The following NFE2 variants were observed in gnomAD, a reference collection of about 807,000 sequenced individuals.
NFE2 encodes the protein transcription factor NF-E2 45 kDa subunit.
NFE2 carries 13 observed loss-of-function variants against 25.8 expected under a neutral mutation model. The ratio of observed to expected loss-of-function variants is 0.50; its 90% CI spans 0.33 to 0.80. NFE2 has a LOEUF of 0.80. Ranked by LOEUF, NFE2 falls within the 30% of genes least tolerant of loss-of-function variation. NFE2 has a pLI of 0.02. For missense variants in NFE2, 382 were observed against 478.9 expected, an observed-to-expected ratio of 0.80 and a Z score of 1.89; for synonymous variants, 204 against 200.2, an observed-to-expected ratio of 1.02 and a Z score of -0.16.
At chr12:54,296,603 A>G (rs1944374908) in intron 1 of NFE2, among the ~76,000 whole-genome samples, 3 of 152,068 alleles carry the variant, frequency 2.0e-5, no homozygotes, top group East Asian at 1.9e-4. Context: ...GTCTACATTC[A>G]TCAGTTCTTT....
chr12:54,293,517 A>G, intron 2 of NFE2, 136 bp from the exon 3 acceptor site: 3 of 1,008,346 alleles, frequency 3.0e-6, no homozygotes, highest in Non-Finnish European at 2.7e-6. Flanking sequence ...AAATCACGGG[A>G]AGCTTCCTGC....
intron 1 of NFE2, among the ~76,000 whole-genome samples, chr12:54,297,406 G>A (rs1944382943): frequency 7.0e-6 from 1 of 143,422 alleles, no homozygotes; most frequent in Admixed American, 7.1e-5. Context: ...GCTCACACCT[G>A]TAATCCTAGG....
chr12:54,295,034 T>C, intron 2 of NFE2, 101 bp downstream of exon 2: 1 of 900,342 alleles, frequency 1.1e-6, no homozygotes, highest in South Asian at 1.5e-5. Context: ...TTACCAGCCC[T>C]GAGCCCTGCT....
intron 1 of NFE2, among the ~76,000 whole-genome samples, chr12:54,299,739 A>T (rs1010555698): frequency 6.6e-5 from 10 of 152,066 alleles, no homozygotes; most frequent in Admixed American, 2.0e-4. Context: ...AACTTCCTTA[A>T]CGAGGGGGAA....
intron 1 of NFE2, among the ~76,000 whole-genome samples, chr12:54,296,310 T>C (rs1944371789): frequency 6.7e-6 from 1 of 148,458 alleles, no homozygotes; most frequent in East Asian, 2.0e-4. Context: ...CTCGGGAAGC[T>C]GAGGCAGGAG....
At position 54,292,299 on chromosome 12, in the gene NFE2, C is replaced by T; in HGVS notation, c.*75G>A. On this transcript the variant is annotated 3_prime_UTR_variant, in exon 3 of 3. Coordinates refer to ENST00000435572, the MANE Select transcript of NFE2 (RefSeq NM_001136023.3). ...CTAGAGAACTCAGCTCCTTCTGGGA[C>T]TCAGGGTTGGGGAGTACCTTTATCA... 1.3e-6 allele frequency: 2 copies of T among 1,493,948 alleles called. No homozygotes were observed. The highest frequency in any genetic ancestry group is 1.8e-6 in the Non-Finnish European group (2 of 1,096,904). The allele number at this position is 1,493,948 out of a possible 1,614,324, so 92.5% of individuals were successfully genotyped here.
intron 1 of NFE2, among the ~76,000 whole-genome samples, chr12:54,299,484 G>A (rs1450443630): frequency 1.3e-5 from 2 of 152,190 alleles, no homozygotes; most frequent in Admixed American, 1.3e-4. Context: ...CCACTGGGTT[G>A]TCTGTTCCTT....
intron 1 of NFE2, among the ~76,000 whole-genome samples, chr12:54,299,050 CAAA>C (rs78513468): frequency 2.5e-5 from 3 of 119,900 alleles, no homozygotes; most frequent in Admixed American, 8.7e-5. Flanking sequence ...GACTCTGTCT[CAAA>C]AAAAAAAAAA....
intron 1 of NFE2, 115 bp from the exon 2 acceptor site, chr12:54,295,419 T>A: frequency 1.7e-6 from 1 of 580,334 alleles, no homozygotes; most frequent in Non-Finnish European, 3.1e-6. Flanking sequence ...GACCGCCTCC[T>A]CCCCATCCTC....
chr12:54,297,356 C>CAAAAAAAAAAAAAAAAAAAAA (rs35611028), intron 1 of NFE2, among the ~76,000 whole-genome samples: 3 of 50,012 alleles, frequency 6.0e-5, no homozygotes, highest in Admixed American at 2.5e-4. Context: ...GACCCTGTCT[C>CAAAAAAAAAAAAAAAAAAAAA]AAAAAAAAAA....
At chr12:54,296,407 C>G (rs890884627) in intron 1 of NFE2, among the ~76,000 whole-genome samples, 1 of 85,672 alleles carries the variant, frequency 1.2e-5, no homozygotes, top group Non-Finnish European at 1.9e-5. Flanking sequence ...TAGACTATGT[C>G]TCAAAAAAAA....
At position 54,292,611 on chromosome 12, in the gene NFE2, C is replaced by G. The variant is rs540951720; in HGVS notation, c.885G>C (p.Glu295Asp). 1.1e-5 allele frequency: 18 copies of G among 1,614,100 alleles called. No individual in the cohort carries two copies. The highest frequency in any genetic ancestry group is 1.5e-5 in the Non-Finnish European group (18 of 1,180,060). The change falls in exon 3 of 3, where the codon GAG becomes GAC. Residue 295 changes from glutamate to aspartate, a missense_variant. Transcript: ENST00000435572. Reference sequence around the variant, plus strand: ...CATTGGTCAGCCGCTCCAGCTCCCGCTCCAGCTGCACAATGGTTTCCAGCT... The same window carrying G: ...CATTGGTCAGCCGCTCCAGCTCCCGGTCCAGCTGCACAATGGTTTCCAGCT... ...KRKLETIVQL[E>D]RELERLTNER...
intron 1 of NFE2, 29 bp from the exon 2 acceptor site, chr12:54,295,333 C>G: frequency 9.3e-7 from 1 of 1,071,760 alleles, no homozygotes; most frequent in Non-Finnish European, 1.4e-6. Flanking sequence ...GGTGTTAGAG[C>G]TACACCTGCT....
chr12:54,294,382 C>T (rs892442117), intron 2 of NFE2, among the ~76,000 whole-genome samples: 8 of 152,114 alleles, frequency 5.3e-5, no homozygotes, highest in Non-Finnish European at 8.8e-5. Context: ...GGCCATGCCC[C>T]AGATGCCCAG....
chr12:54,298,324 A>G (rs1257420376), intron 1 of NFE2, among the ~76,000 whole-genome samples: 2 of 151,834 alleles, frequency 1.3e-5, no homozygotes, highest in South Asian at 2.1e-4. Flanking sequence ...CCTGACCAAC[A>G]TGGAGAAACC....
chr12:54,297,687 A>AAT, intron 1 of NFE2: 1 of 152,578 alleles, frequency 6.6e-6, no homozygotes, highest in South Asian at 2.0e-4. Context: ...AAAAAAAAAA[A>AAT]AAAAAGAAAA....
Position 54,292,833 on chromosome 12 carries a change from C to T in NFE2, c.663G>A (p.Glu221=), listed in dbSNP as rs774436075. The part of the protein sequence containing the change: ...PVRAKPTARG[E]AGSRDERRAL... ...CCCGACGTTCATCCCGACTCCCTGC[C>T]TCCCCCCGTGCAGTGGGCTTAGCCC... The change falls in exon 3 of 3, where the codon GAG becomes GAA. Residue 221 remains glutamate (E), a synonymous_variant. Transcript: ENST00000435572. 1 of 1,614,220 alleles carries T rather than the reference C, an allele frequency of 6.2e-7. No individual in the cohort carries two copies. Among genetic ancestry groups the T allele is most frequent in the Non-Finnish European group, 8.5e-7 (1 of 1,180,030 alleles).
chr12:54,293,997 G>A (rs1473031449), intron 2 of NFE2, among the ~76,000 whole-genome samples: 1 of 152,028 alleles, frequency 6.6e-6, no homozygotes, highest in East Asian at 1.9e-4. Context: ...GCCAGGCATG[G>A]TGGCTCAGGC....
intron 1 of NFE2, among the ~76,000 whole-genome samples, chr12:54,298,462 A>C (rs1944393946): frequency 6.7e-6 from 1 of 148,840 alleles, no homozygotes; most frequent in African/African-American, 2.5e-5. Flanking sequence ...AGCCAAGATC[A>C]TGCCATTGCA....
Sources: allele counts gnomAD v4.1 joint callset (sites outside exome capture counted in the v4.1 genomes callset), GRCh38; gene constraint gnomAD v4.1.1; transcripts MANE v1.5; gene names NCBI Gene and HGNC (gene_info 2026-07-23, HGNC 2026-07-21).